Variants in FGF12 observed in about 807,000 individuals in gnomAD.
FGF12 encodes the protein fibroblast growth factor 12, also known as fibroblast growth factor 12B.
A neutral mutation model predicts 23.6 loss-of-function variants in FGF12; 14 were observed. The ratio of observed to expected loss-of-function variants is 0.59; its 90% CI spans 0.39 to 0.93. The LOEUF (loss-of-function observed/expected upper bound fraction) is 0.93. FGF12 is among the 40% of genes least tolerant of loss of function. FGF12 has a pLI of 0.00. For synonymous variants in FGF12, 62 were observed against 77.3 expected (o/e 0.80, Z 1.04); for missense variants, 175 against 217.8 (o/e 0.80, Z 1.24).
intron 2 of FGF12, among the ~76,000 whole-genome samples, chr3:192,557,724 A>G (rs1195203810): frequency 6.6e-6 from 1 of 151,946 alleles, no homozygotes; most frequent in Admixed American, 6.5e-5. Flanking sequence ...ATTTATTACC[A>G]GGTGGTAACA....
intron 5 of FGF12, among the ~76,000 whole-genome samples, chr3:192,147,183 T>C (rs1302585304): frequency 6.6e-6 from 1 of 152,214 alleles, no homozygotes; most frequent in Non-Finnish European, 1.5e-5. Context: ...GAGCAAAACC[T>C]TGGTCAAAGC....
At chr3:192,422,485 C>T (rs1010985744) in intron 2 of FGF12, among the ~76,000 whole-genome samples, 3 of 152,018 alleles carry the variant, frequency 2.0e-5, no homozygotes, top group African/African-American at 7.2e-5. Context: ...TCCTTCTTTC[C>T]CCAGGCCATT....
At chr3:192,522,265 G>A (rs1319161977) in intron 2 of FGF12, among the ~76,000 whole-genome samples, 1 of 151,458 alleles carries the variant, frequency 6.6e-6, no homozygotes, top group Non-Finnish European at 1.5e-5. Flanking sequence ...AAAAATATTT[G>A]TAATTCTGTA....
At chr3:192,431,161 A>G (rs1721848216) in intron 2 of FGF12, among the ~76,000 whole-genome samples, 1 of 152,198 alleles carries the variant, frequency 6.6e-6, no homozygotes. Flanking sequence ...GGATCACTCT[A>G]ACAAAGGCAA....
Position 192,409,635 on chromosome 3 carries a change from T to A in FGF12, c.14-49097A>T, listed in dbSNP as rs1290577405. Among the ~76,000 whole-genome samples the A allele has an allele frequency of 6.6e-6, 1 of 152,004 alleles. No homozygotes were observed. The highest frequency in any genetic ancestry group is 2.4e-5 in the African/African-American group (1 of 41,404). ...GCGAATACCCGCGCGTCCGCTCGGG[T>A]GGGGCGGGGGCTGGCTGCAGGCGAT... On this transcript the variant is annotated intron_variant, in intron 2 of 5. Transcript: ENST00000445105. The surrounding 1 kb of genome is among the most constrained non-coding windows in gnomAD (Gnocchi z 4.8).
intron 2 of FGF12, among the ~76,000 whole-genome samples, chr3:192,378,097 C>CTTTCTTTCTTTCTTTCTTT (rs1719646116): frequency 1.3e-5 from 1 of 74,666 alleles, no homozygotes; most frequent in Non-Finnish European, 2.5e-5. Flanking sequence ...TTTCTTTCTT[C>CTTTCTTTCTTTCTTTCTTT]TTTCTTTCCT....
chr3:192,537,733 A>G (rs1276656897), intron 2 of FGF12, among the ~76,000 whole-genome samples: 1 of 152,002 alleles, frequency 6.6e-6, no homozygotes, highest in African/African-American at 2.4e-5. Flanking sequence ...ATTTTCCCCC[A>G]TTCTGTGGGT....
At chr3:192,610,390 T>C (rs1056165379) in intron 2 of FGF12, among the ~76,000 whole-genome samples, 4 of 152,114 alleles carry the variant, frequency 2.6e-5, no homozygotes, top group Non-Finnish European at 5.9e-5. Flanking sequence ...TGATGATGTA[T>C]ATCCAGGGAG....
intron 4 of FGF12, among the ~76,000 whole-genome samples, chr3:192,293,459 C>T (rs929956997): frequency 6.6e-6 from 1 of 152,178 alleles, no homozygotes; most frequent in Non-Finnish European, 1.5e-5. Flanking sequence ...GTCACATCCT[C>T]ATGTCCTCAA....
At chr3:192,473,465 A>G (rs1723229832) in intron 2 of FGF12, among the ~76,000 whole-genome samples, 1 of 152,218 alleles carries the variant, frequency 6.6e-6, no homozygotes, top group South Asian at 2.1e-4. Flanking sequence ...AAATACAGAA[A>G]TATTATTTAG....
intron 2 of FGF12, among the ~76,000 whole-genome samples, chr3:192,391,823 A>G (rs995988904): frequency 3.3e-5 from 5 of 152,240 alleles, no homozygotes; most frequent in African/African-American, 1.2e-4. Flanking sequence ...GTTTTTCAAT[A>G]TTACTTCTAT....
chr3:192,605,632 C>G (rs4602336), intron 2 of FGF12, among the ~76,000 whole-genome samples: 80 of 151,950 alleles, frequency 5.3e-4, no homozygotes, highest in African/African-American at 1.8e-3. Flanking sequence ...TATGAGAAAG[C>G]TAAACAATTG....
At chr3:192,170,212 G>A (rs1423993125) in intron 5 of FGF12, among the ~76,000 whole-genome samples, 14 of 146,812 alleles carry the variant, frequency 9.5e-5, no homozygotes. Context: ...GAATCCGGGA[G>A]GAGGTTGCAG....
chr3:192,546,336 T>C (rs910371030), intron 2 of FGF12, among the ~76,000 whole-genome samples: 1 of 152,030 alleles, frequency 6.6e-6, no homozygotes, highest in Non-Finnish European at 1.5e-5. Flanking sequence ...CACTAATACT[T>C]TAGGTGCAAA....
intron 2 of FGF12, among the ~76,000 whole-genome samples, chr3:192,682,498 A>G (rs1326933957): frequency 1.3e-5 from 2 of 152,214 alleles, no homozygotes; most frequent in African/African-American, 4.8e-5. Flanking sequence ...AGAGGTTTAG[A>G]CTAAATGATT....
chr3:192,704,837 A>G (rs1718417098), intron 2 of FGF12, among the ~76,000 whole-genome samples: 4 of 152,236 alleles, frequency 2.6e-5, no homozygotes, highest in Admixed American at 2.6e-4. Context: ...TGCAGCTTCT[A>G]CATTAGCACT....
chr3:192,359,352 C>T (rs1013759296), intron 3 of FGF12, among the ~76,000 whole-genome samples: 2 of 152,110 alleles, frequency 1.3e-5, no homozygotes, highest in African/African-American at 4.8e-5. Context: ...ATTTAAAAGA[C>T]GTTTCACTAC....
At chr3:192,431,842 C>A (rs1222624753) in intron 2 of FGF12, among the ~76,000 whole-genome samples, 1 of 152,166 alleles carries the variant, frequency 6.6e-6, no homozygotes, top group Non-Finnish European at 1.5e-5. Context: ...ACAGCATTAA[C>A]CTTCACCAGG....
chr3:192,633,926 T>C (rs982642345), intron 2 of FGF12, among the ~76,000 whole-genome samples: 1 of 152,182 alleles, frequency 6.6e-6, no homozygotes, highest in Admixed American at 6.5e-5. Flanking sequence ...CACCTTTTTA[T>C]AACTGTATAT....
Sources: gnomAD v4.1 joint callset for allele counts (sites outside exome capture counted in the v4.1 genomes callset) on GRCh38, gnomAD v4.1.1 for gene constraint, Gnocchi (gnomAD v3.1) non-coding constraint, MANE v1.5 for transcripts, NCBI Gene and HGNC (gene_info 2026-07-23, HGNC 2026-07-21) for gene names.